Variants in CACNA2D1 observed in about 807,000 individuals in gnomAD.
CACNA2D1 encodes the protein calcium voltage-gated channel auxiliary subunit alpha2delta 1.
Under a neutral mutation model 171.5 loss-of-function variants are expected in CACNA2D1, and 53 were observed. The observed-to-expected ratio is 0.31, with a 90% CI of 0.25 to 0.39. CACNA2D1 has a LOEUF of 0.39. Ranked by LOEUF, CACNA2D1 falls within the 10% of genes least tolerant of loss-of-function variation. CACNA2D1 has a pLI of 1.00. For synonymous variants in CACNA2D1, 442 were observed against 443.1 expected (o/e 1.00, Z 0.03); for missense variants, 903 against 1,299.8 (o/e 0.69, Z 4.69).
chr7:82,308,855 T>C (rs1814063686), intron 3 of CACNA2D1, among the ~76,000 whole-genome samples: 1 of 152,204 alleles, frequency 6.6e-6, no homozygotes, highest in Non-Finnish European at 1.5e-5. Flanking sequence ...TTAATTCACC[T>C]AGGGCCATCC....
intron 4 of CACNA2D1, among the ~76,000 whole-genome samples, chr7:82,151,147 C>A (rs1265057072): frequency 5.9e-5 from 9 of 152,020 alleles, no homozygotes; most frequent in Non-Finnish European, 1.2e-4. Flanking sequence ...AAATTGTATT[C>A]TTTATTTCAT....
At chr7:82,443,272 G>A in intron 1 of CACNA2D1, 93 bp downstream of exon 1, 1 of 1,296,638 alleles carries the variant, frequency 7.7e-7, no homozygotes, top group South Asian at 1.3e-5. Flanking sequence ...CACCCCCACG[G>A]GCGGAAAAGC....
chr7:81,946,678 A>G lies in CACNA2D1; in HGVS notation c.*3714T>C, dbSNP rs1792074635. ...TGCATGAATGCACACCATTTTAATAAAAGTATTCCTAAAAGCATGATCCGA... is the reference window on the plus strand; with the variant it reads ...TGCATGAATGCACACCATTTTAATAGAAGTATTCCTAAAAGCATGATCCGA... On this transcript the variant is annotated 3_prime_UTR_variant, in exon 39 of 39. Transcript: ENST00000356860. 2 of 152,118 alleles carry G rather than the reference A, an allele frequency of 1.3e-5. No individual in the cohort carries two copies. Among genetic ancestry groups the G allele is most frequent in the African/African-American group, 4.8e-5 (2 of 41,428 alleles). The allele number at this position is 152,118 out of a possible 1,614,324, so 9.4% of individuals were successfully genotyped here.
chr7:82,153,200 C>T (rs1160759059), intron 4 of CACNA2D1, among the ~76,000 whole-genome samples: 1 of 151,686 alleles, frequency 6.6e-6, no homozygotes, highest in African/African-American at 2.4e-5. Flanking sequence ...CCTTAAATAA[C>T]TGTTTTCCTT....
chr7:81,975,743 T>C (rs1455681463), intron 24 of CACNA2D1, among the ~76,000 whole-genome samples: 1 of 152,188 alleles, frequency 6.6e-6, no homozygotes, highest in Admixed American at 6.6e-5. Flanking sequence ...TGACACATTA[T>C]ACAATATTGA....
chr7:82,042,048 T>C (rs1804023310), intron 10 of CACNA2D1, among the ~76,000 whole-genome samples: 1 of 152,188 alleles, frequency 6.6e-6, no homozygotes, highest in Admixed American at 6.5e-5. Context: ...AATTCATTCA[T>C]TAAATATATA....
chr7:82,184,493 A>G (rs1022289319), intron 3 of CACNA2D1, among the ~76,000 whole-genome samples: 5 of 151,896 alleles, frequency 3.3e-5, no homozygotes, highest in Admixed American at 6.6e-5. Flanking sequence ...TACTATTATT[A>G]TTTCTCTTCT....
chr7:81,975,096 C>T (rs1474119921), intron 24 of CACNA2D1, among the ~76,000 whole-genome samples: 1 of 151,828 alleles, frequency 6.6e-6, no homozygotes, highest in Non-Finnish European at 1.5e-5. Flanking sequence ...CTAGTGAAAT[C>T]TGAATAATAT....
At chr7:82,058,286 C>G (rs1174473548) in intron 10 of CACNA2D1, among the ~76,000 whole-genome samples, 1 of 152,098 alleles carries the variant, frequency 6.6e-6, no homozygotes, top group East Asian at 1.9e-4. Flanking sequence ...ATATTTGAAT[C>G]TGCAAGTGAG....
chr7:82,304,226 CTT>C (rs1398830749), intron 3 of CACNA2D1, among the ~76,000 whole-genome samples: 1 of 151,670 alleles, frequency 6.6e-6, no homozygotes, highest in Non-Finnish European at 1.5e-5. Context: ...AAAGAGAACT[CTT>C]ATATACTTTT....
intron 1 of CACNA2D1, among the ~76,000 whole-genome samples, chr7:82,401,977 G>A (rs1826481005): frequency 6.6e-6 from 1 of 152,184 alleles, no homozygotes; most frequent in Non-Finnish European, 1.5e-5. Flanking sequence ...GAGGTAGACA[G>A]GGTTTAGTTT....
chr7:82,426,817 C>G (rs1443197658), intron 1 of CACNA2D1, among the ~76,000 whole-genome samples: 1 of 152,144 alleles, frequency 6.6e-6, no homozygotes, highest in Non-Finnish European at 1.5e-5. Context: ...CCCCCCTACC[C>G]TTATTCAAGG....
intron 3 of CACNA2D1, among the ~76,000 whole-genome samples, chr7:82,282,957 C>T (rs992434087): frequency 1.3e-5 from 2 of 152,092 alleles, no homozygotes; most frequent in African/African-American, 4.8e-5. Flanking sequence ...CTGGTAATGC[C>T]ATGGCAATGG....
At chr7:82,011,363 G>A (rs1003599120) in intron 15 of CACNA2D1, among the ~76,000 whole-genome samples, 7 of 152,140 alleles carry the variant, frequency 4.6e-5, no homozygotes, top group Admixed American at 2.0e-4. Flanking sequence ...TGGACCACAG[G>A]TTGGACAAGC....
intron 3 of CACNA2D1, among the ~76,000 whole-genome samples, chr7:82,214,624 C>T (rs1800918494): frequency 6.6e-6 from 1 of 152,062 alleles, no homozygotes; most frequent in South Asian, 2.1e-4. Context: ...AAAAAATACT[C>T]TATAACTTAA....
chr7:81,980,252 C>T (rs1040689510), intron 24 of CACNA2D1, among the ~76,000 whole-genome samples: 3 of 140,176 alleles, frequency 2.1e-5, no homozygotes, highest in Non-Finnish European at 3.0e-5. Context: ...ATTTAGAGTA[C>T]GGGTAGGGAA....
intron 11 of CACNA2D1, 150 bp downstream of exon 11, chr7:82,037,927 C>T (rs1803508404): frequency 4.5e-6 from 3 of 672,698 alleles, no homozygotes; most frequent in Non-Finnish European, 7.4e-6. Flanking sequence ...AAAAATAGTT[C>T]AAAGGTTTCT....
At chr7:82,276,279 C>G (rs1228625095) in intron 3 of CACNA2D1, among the ~76,000 whole-genome samples, 1 of 152,180 alleles carries the variant, frequency 6.6e-6, no homozygotes, top group African/African-American at 2.4e-5. Context: ...TGTTCACATC[C>G]AAGTAGAGAA....
At chr7:82,300,353 T>C (rs1410710621) in intron 3 of CACNA2D1, among the ~76,000 whole-genome samples, 1 of 152,066 alleles carries the variant, frequency 6.6e-6, no homozygotes, top group Non-Finnish European at 1.5e-5. Context: ...TAGCCCTTAA[T>C]AGGATTACAG....
Sources: allele counts gnomAD v4.1 joint callset (sites outside exome capture counted in the v4.1 genomes callset), GRCh38; gene constraint gnomAD v4.1.1; transcripts MANE v1.5; gene names NCBI Gene and HGNC (gene_info 2026-07-23, HGNC 2026-07-21).